ZNF273: variants seen among roughly 807,000 people sequenced by gnomAD.
The protein encoded by ZNF273 is zinc finger protein 9.
Under a neutral mutation model 14.9 loss-of-function variants are expected in ZNF273, and 11 were observed. The observed-to-expected ratio is 0.74, with a 90% CI of 0.46 to 1.22. The LOEUF (loss-of-function observed/expected upper bound fraction) is 1.22. Among genes scored for constraint, ZNF273 ranks in the 50% most tolerant of loss-of-function variants. The pLI, the probability that ZNF273 is intolerant of heterozygous loss-of-function variation, is 0.00. For missense variants in ZNF273, 577 were observed against 660.6 expected (o/e 0.87, Z 1.39); for synonymous variants, 199 against 223.9 (o/e 0.89, Z 0.99).
intron 1 of ZNF273, among the ~76,000 whole-genome samples, chr7:64,914,174 A>ATTTTTTTTTTTTTTTTT (rs1554386716): frequency 9.9e-6 from 1 of 101,378 alleles, no homozygotes; most frequent in Non-Finnish European, 1.9e-5. Flanking sequence ...CGTCCTGGTA[A>ATTTTTTTTTTTTTTTTT]TTTTTGTATT....
chr7:64,916,987 A>G (rs1265532363), intron 1 of ZNF273: 30 of 1,261,348 alleles, frequency 2.4e-5, no homozygotes, highest in Non-Finnish European at 2.8e-5. Flanking sequence ...TCCTTTGTAT[A>G]TATTTGTCTT....
intron 3 of ZNF273, among the ~76,000 whole-genome samples, chr7:64,922,390 A>G (rs1296683697): frequency 2.6e-5 from 4 of 151,436 alleles, no homozygotes; most frequent in Non-Finnish European, 4.4e-5. Flanking sequence ...GTGCAGTGGC[A>G]TGATCTCGGC....
downstream of ZNF273, among the ~76,000 whole-genome samples, chr7:64,894,472 G>A (rs1792242571): frequency 6.6e-6 from 1 of 152,028 alleles, no homozygotes; most frequent in African/African-American, 2.4e-5. Context: ...AGGAAATGAT[G>A]TATATAATAT....
At chr7:64,900,793 A>T (rs1013696793), upstream of ZNF273, among the ~76,000 whole-genome samples, 1 of 152,126 alleles carries the variant, frequency 6.6e-6, no homozygotes, top group Non-Finnish European at 1.5e-5. Context: ...ATCAGACATT[A>T]CCTTCTCAAG....
rs1356238916 is a variant in ZNF273, at chr7:64,928,283, A to T, written c.955A>T (p.Asn319Tyr). The T allele has an allele frequency of 1.9e-6, 3 of 1,612,688 alleles. No individual in the cohort carries two copies. The stretch of plus-strand genomic sequence containing the variant: ...AATTCATACAGGAACAAAACCCTAC[A>T]ATTGTGAAGAATGTGGCAAAGGCTT... ...KIIHTGTKPY[N>Y]CEECGKGFSI... The change falls in exon 4 of 4, where the codon AAT becomes TAT. Residue 319 changes from asparagine (N) to tyrosine (Y), a missense_variant. By Grantham distance (143) the Asn-to-Tyr change is moderately radical. Around this residue, in one of 3 missense-constraint regions of ZNF273, gnomAD observed 411 missense variants for 440.4 expected, o/e 0.93. Transcript: ENST00000476120.
chr7:64,913,742 A>C (rs1469615500), intron 1 of ZNF273, among the ~76,000 whole-genome samples: 1 of 152,194 alleles, frequency 6.6e-6, no homozygotes, highest in Non-Finnish European at 1.5e-5. Context: ...ACTTGTTTAA[A>C]ACACCGATTC....
At chr7:64,913,544 C>T (rs3813701) in intron 1 of ZNF273, among the ~76,000 whole-genome samples, 63,386 of 152,070 alleles carry the variant, frequency 0.42, 13,431 homozygotes, top group South Asian at 0.45. Context: ...CTTATTCAGA[C>T]ATTGCTGCCT....
At chr7:64,913,980 T>C (rs1793757697) in intron 1 of ZNF273, among the ~76,000 whole-genome samples, 1 of 151,966 alleles carries the variant, frequency 6.6e-6, no homozygotes, top group African/African-American at 2.4e-5. Flanking sequence ...GTTTTAATTA[T>C]TAGATTGGTG....
chr7:64,932,705 T>G (rs1440864524), downstream of ZNF273, among the ~76,000 whole-genome samples: 2 of 151,972 alleles, frequency 1.3e-5, no homozygotes, highest in African/African-American at 4.8e-5. Flanking sequence ...GTGGATTACT[T>G]AAGGCCAGGA....
upstream of ZNF273, among the ~76,000 whole-genome samples, chr7:64,898,959 G>A (rs1583974766): frequency 7.4e-6 from 1 of 135,242 alleles, no homozygotes; most frequent in South Asian, 2.1e-4. Flanking sequence ...TAAATCTTTT[G>A]TTAACTTACT....
chr7:64,927,951 G>A lies in ZNF273; in HGVS notation c.623G>A (p.Cys208Tyr). 1.2e-6 allele frequency: 2 copies of A among 1,613,752 alleles called. No individual in the cohort carries two copies. Among genetic ancestry groups the A allele is most frequent in the South Asian group, 1.1e-5 (1 of 90,974 alleles). The change falls in exon 4 of 4, where the codon TGT becomes TAT. Residue 208 changes from cysteine (C) to tyrosine (Y), a missense_variant. Physicochemically the swap from Cys to Tyr is radical, Grantham distance 194 (BLOSUM62 -2). Around this residue, in one of 3 missense-constraint regions of ZNF273, gnomAD observed 411 missense variants for 440.4 expected, o/e 0.93. Transcript: ENST00000476120. ...CAAACTGGAAAGAAACCTTTCAAAT[G>A]TAAAGAATGTGGCAAATCATGTTGC... is the stretch of plus-strand genomic sequence containing the variant. Reference protein sequence around the residue: ...KRQTGKKPFKCKECGKSCCIL... With the variant: ...KRQTGKKPFKYKECGKSCCIL...
chr7:64,901,890 G>A (rs1415409406), upstream of ZNF273, among the ~76,000 whole-genome samples: 3 of 151,832 alleles, frequency 2.0e-5, no homozygotes, highest in South Asian at 4.2e-4. Flanking sequence ...TGGAGGTTGC[G>A]GTGAGCCCAC....
At chr7:64,916,596 A>T (rs1794019926) in intron 1 of ZNF273, among the ~76,000 whole-genome samples, 1 of 151,054 alleles carries the variant, frequency 6.6e-6, no homozygotes, top group South Asian at 2.1e-4. Flanking sequence ...CATAAGAGTT[A>T]TCTGTATCTT....
chr7:64,922,410 C>T (rs1562963473), intron 3 of ZNF273, among the ~76,000 whole-genome samples: 2 of 151,750 alleles, frequency 1.3e-5, no homozygotes, highest in African/African-American at 4.8e-5. Context: ...CTCACTGCAA[C>T]CTCTGCCTCC....
chr7:64,878,119 T>C (rs1025343784), intron 1 of ZNF273, among the ~76,000 whole-genome samples: 1 of 152,172 alleles, frequency 6.6e-6, no homozygotes, highest in African/African-American at 2.4e-5. Context: ...CTTGTTCTTT[T>C]GAGTCGGCTG....
rs750424732 is a variant in ZNF273 at position 64,928,210 on chromosome 7, T to C, written c.882T>C (p.Asp294=). The C allele has an allele frequency of 1.9e-6, 3 of 1,611,734 alleles. No individual in the cohort carries two copies. The highest frequency in any genetic ancestry group is 2.2e-5 in the South Asian group (2 of 90,898). Residue 294 remains aspartate (D), a synonymous_variant, in exon 4 of 4, where the codon GAT becomes GAC. Transcript: ENST00000476120. ...AAGAGAAACCTTACAAATGTGAAGATTGTGGCAAAGTCTTTAGTGTATTTT... is the reference window on the plus strand; with the variant it reads ...AAGAGAAACCTTACAAATGTGAAGACTGTGGCAAAGTCTTTAGTGTATTTT... ...HTEEKPYKCE[D]CGKVFSVFSV...
chr7:64,922,547 A>C (rs1437844312), intron 3 of ZNF273, among the ~76,000 whole-genome samples: 4 of 151,642 alleles, frequency 2.6e-5, no homozygotes, highest in Non-Finnish European at 5.9e-5. Flanking sequence ...CCTGACCTCA[A>C]GTGATCCTCC....
chr7:64,882,240 A>G (rs1032477431), downstream of ZNF273, among the ~76,000 whole-genome samples: 7 of 152,164 alleles, frequency 4.6e-5, no homozygotes, highest in Non-Finnish European at 8.8e-5. Context: ...TCCTGCACAC[A>G]GCCTTTTTCG....
chr7:64,919,651 G>A (rs895939257), intron 3 of ZNF273, among the ~76,000 whole-genome samples: 6 of 151,998 alleles, frequency 3.9e-5, no homozygotes, highest in Admixed American at 2.0e-4. Context: ...TTACCTGCTT[G>A]GTTAAATTTC....
Sources: gnomAD v4.1 joint callset for allele counts (sites outside exome capture counted in the v4.1 genomes callset) on GRCh38, gnomAD v4.1.1 for gene constraint, gnomAD v4.1.1 regional missense constraint, MANE v1.5 for transcripts, NCBI Gene and HGNC (gene_info 2026-07-23, HGNC 2026-07-21) for gene names.